Variants in ASH1L observed in about 807,000 individuals in gnomAD.
The protein encoded by ASH1L is ASH1 like histone lysine methyltransferase.
A neutral mutation model predicts 269.0 loss-of-function variants in ASH1L; 23 were observed. That is an observed-to-expected ratio of 0.09 (90% CI 0.06 to 0.12). The LOEUF (loss-of-function observed/expected upper bound fraction) is 0.12. Ranked by LOEUF, ASH1L falls within the 10% of genes least tolerant of loss-of-function variation. The probability of loss-of-function intolerance (pLI) is 1.00; values close to 1 mark genes in which losing one functional copy is unlikely to be tolerated. For synonymous variants in ASH1L, 1,187 were observed against 1,253.5 expected (o/e 0.95, Z 1.12); for missense variants, 2,912 against 3,567.8 (o/e 0.82, Z 4.68).
chr1:155,556,725 G>T (rs1356004140), intron 1 of ASH1L, among the ~76,000 whole-genome samples: 1 of 152,104 alleles, frequency 6.6e-6, no homozygotes, highest in Non-Finnish European at 1.5e-5. Flanking sequence ...ACAGGTGTGA[G>T]CCACTGCACC....
At chr1:155,468,192 T>A (rs1053076063) in intron 3 of ASH1L, among the ~76,000 whole-genome samples, 11 of 151,370 alleles carry the variant, frequency 7.3e-5, no homozygotes, top group African/African-American at 2.7e-4. Flanking sequence ...TTTTTAGTAC[T>A]GGTCAAGTAT....
At position 155,478,126 on chromosome 1, in the gene ASH1L, T is replaced by G; in HGVS notation, c.4744A>C (p.Ser1582Arg). The change falls in exon 3 of 28, where the codon AGT becomes CGT. Residue 1582 changes from serine (S) to arginine (R), a missense_variant. Coordinates refer to ENST00000392403, the MANE Select transcript of ASH1L (RefSeq NM_018489.3). This position sits in a 1 kb window ranked among gnomAD's most constrained non-coding sequence, Gnocchi z 4.6. ...CCTCCAAGGGATAAGCTTGGAGAAC[T>G]TTCTGAACAGTCAATCTGTAAAGGT... ...QTPLQIDCSE[S>R]SPSLSLGGFT... 6.2e-7 allele frequency: 1 copy of G among 1,614,144 alleles called. No homozygotes were observed. Among genetic ancestry groups the G allele is most frequent in the Middle Eastern group, 1.6e-4 (1 of 6,062 alleles).
chr1:155,349,245 A>G (rs975662228), intron 19 of ASH1L, 82 bp downstream of exon 19: 18 of 1,477,206 alleles, frequency 1.2e-5, no homozygotes, highest in Non-Finnish European at 1.7e-5. Flanking sequence ...TGGCTGATAG[A>G]GGAGGGTAAA....
chr1:155,436,474 G>A (rs1037996486), intron 5 of ASH1L, among the ~76,000 whole-genome samples: 2 of 145,938 alleles, frequency 1.4e-5, no homozygotes, highest in Non-Finnish European at 3.0e-5. Context: ...TTACAGGCGT[G>A]AGCCACCATG....
At chr1:155,535,966 C>T (rs937343187) in intron 1 of ASH1L, among the ~76,000 whole-genome samples, 2 of 151,626 alleles carry the variant, frequency 1.3e-5, no homozygotes, top group Admixed American at 6.6e-5. Context: ...CCATTGCACG[C>T]CAGCCTGGGC....
intron 2 of ASH1L, among the ~76,000 whole-genome samples, chr1:155,506,033 C>T (rs1293792067): frequency 6.6e-6 from 1 of 152,044 alleles, no homozygotes; most frequent in Non-Finnish European, 1.5e-5. Context: ...GTTTCCCACC[C>T]TGTGGCCAAG....
Position 155,479,115 on chromosome 1 carries a change from C to G in ASH1L, c.3755G>C (p.Cys1252Ser). ...GAGGTAATCATGATTCCTGCGCTTA[C>G]ATTTGTGTTTATGTTTTTCTTTAAG... is the stretch of plus-strand genomic sequence containing the variant. ...SSLKEKHKHK[C>S]KRRNHDYLSY... The change falls in exon 3 of 28, where the codon TGT becomes TCT. Residue 1252 changes from cysteine (C) to serine (S), a missense_variant. Cys to Ser is a moderately radical substitution (Grantham distance 112). Coordinates refer to ENST00000392403, the MANE Select transcript of ASH1L (RefSeq NM_018489.3). 1 of 1,614,052 alleles carries G rather than the reference C, an allele frequency of 6.2e-7. No individual in the cohort carries two copies. Among genetic ancestry groups the G allele is most frequent in the Non-Finnish European group, 8.5e-7 (1 of 1,180,002 alleles).
intron 2 of ASH1L, among the ~76,000 whole-genome samples, chr1:155,508,741 T>C (rs1422971778): frequency 6.6e-6 from 1 of 152,192 alleles, no homozygotes. Context: ...GAGTCTTCTA[T>C]TACAACAAAA....
intron 6 of ASH1L, among the ~76,000 whole-genome samples, chr1:155,408,373 A>C (rs1382822293): frequency 6.6e-6 from 1 of 152,228 alleles, no homozygotes; most frequent in South Asian, 2.1e-4. Context: ...AAGGGGCTAG[A>C]AGCATGGCAT....
chr1:155,505,629 T>C (rs1334398311), intron 2 of ASH1L, among the ~76,000 whole-genome samples: 3 of 152,200 alleles, frequency 2.0e-5, no homozygotes, highest in Non-Finnish European at 4.4e-5. Context: ...TGTTTAAAAT[T>C]ATTAATAATG....
At chr1:155,541,949 A>AC (rs1322272138) in intron 1 of ASH1L, among the ~76,000 whole-genome samples, 2 of 152,210 alleles carry the variant, frequency 1.3e-5, no homozygotes, top group Non-Finnish European at 2.9e-5. Flanking sequence ...TTACCAAGTC[A>AC]CAAGGGGAAA....
intron 6 of ASH1L, among the ~76,000 whole-genome samples, chr1:155,402,528 A>C (rs1658938466): frequency 6.6e-6 from 1 of 152,224 alleles, no homozygotes; most frequent in African/African-American, 2.4e-5. Flanking sequence ...CAAATGGTCC[A>C]GACAAGTTAT....
chr1:155,423,863 A>T (rs1217330652), intron 5 of ASH1L, among the ~76,000 whole-genome samples: 1 of 151,892 alleles, frequency 6.6e-6, no homozygotes. Flanking sequence ...CGGAGTAGCT[A>T]GGATTACAGG....
intron 21 of ASH1L, 34 bp from the exon 22 acceptor site, chr1:155,344,307 G>A: frequency 6.7e-7 from 1 of 1,487,558 alleles, no homozygotes; most frequent in Non-Finnish European, 9.4e-7. Context: ...TATAAGGGCT[G>A]GAATTACTAC....
intron 4 of ASH1L, among the ~76,000 whole-genome samples, chr1:155,441,158 T>C (rs1558109310): frequency 6.6e-6 from 1 of 152,228 alleles, no homozygotes; most frequent in African/African-American, 2.4e-5. Context: ...TACATTAATC[T>C]CTTGAAGTTT....
At chr1:155,542,564 T>C (rs886089711) in intron 1 of ASH1L, among the ~76,000 whole-genome samples, 22 of 151,398 alleles carry the variant, frequency 1.5e-4, no homozygotes, top group African/African-American at 5.3e-4. Flanking sequence ...AATAAATAAA[T>C]AATTACATTT....
At chr1:155,513,588 A>C (rs945802661) in intron 2 of ASH1L, among the ~76,000 whole-genome samples, 14 of 151,766 alleles carry the variant, frequency 9.2e-5, no homozygotes, top group African/African-American at 3.4e-4. Context: ...AAAAAAAAAA[A>C]AGAATTACAA....
At chr1:155,367,819 A>G (rs1384533821) in intron 12 of ASH1L, among the ~76,000 whole-genome samples, 3 of 152,160 alleles carry the variant, frequency 2.0e-5, no homozygotes, top group Non-Finnish European at 2.9e-5. Context: ...CCACATAGTC[A>G]TGATGTATTA....
intron 3 of ASH1L, among the ~76,000 whole-genome samples, chr1:155,460,561 T>C (rs895494305): frequency 1.1e-4 from 16 of 152,270 alleles, no homozygotes; most frequent in African/African-American, 3.9e-4. Flanking sequence ...TGAGCCGAGA[T>C]TGCGCCATTG....
Sources: allele counts gnomAD v4.1 joint callset (sites outside exome capture counted in the v4.1 genomes callset), GRCh38; gene constraint gnomAD v4.1.1; non-coding constraint Gnocchi (gnomAD v3.1); transcripts MANE v1.5; gene names NCBI Gene and HGNC (gene_info 2026-07-23, HGNC 2026-07-21).